ABCA13: variants seen among roughly 807,000 people sequenced by gnomAD.
ABCA13 encodes the protein ATP binding cassette subfamily A member 13, also known as ATP-binding cassette sub-family A member 13.
A neutral mutation model predicts 478.7 loss-of-function variants in ABCA13; 476 were observed. The ratio of observed to expected loss-of-function variants is 0.99; its 90% confidence interval spans 0.92 to 1.07. ABCA13 has a LOEUF of 1.07. ABCA13 is among the 50% of genes least tolerant of loss of function. ABCA13 has a pLI of 0.00. For missense variants in ABCA13, 6,060 were observed against 5,910.6 expected (o/e 1.03, Z -0.83); for synonymous variants, 2,252 against 2,158.9 (o/e 1.04, Z -1.20).
chr7:48,340,088 T>C (rs1190661576), intron 29 of ABCA13, among the ~76,000 whole-genome samples: 1 of 152,190 alleles, frequency 6.6e-6, no homozygotes, highest in African/African-American at 2.4e-5. Flanking sequence ...TCATTTTTAT[T>C]CATTATATAA....
chr7:48,380,717 T>G (rs2129042598), intron 35 of ABCA13, among the ~76,000 whole-genome samples: 1 of 152,308 alleles, frequency 6.6e-6, no homozygotes, highest in South Asian at 2.1e-4. Context: ...ATTTTCTGTA[T>G]TTTTGAGGCT....
At chr7:48,260,585 G>C (rs1326197601) in intron 15 of ABCA13, among the ~76,000 whole-genome samples, 2 of 151,972 alleles carry the variant, frequency 1.3e-5, no homozygotes, top group East Asian at 3.9e-4. Context: ...TATTTTTCTT[G>C]AGTTAATAAT....
chr7:48,453,681 C>T (rs1438330118), intron 42 of ABCA13, among the ~76,000 whole-genome samples: 1 of 152,204 alleles, frequency 6.6e-6, no homozygotes, highest in Non-Finnish European at 1.5e-5. Context: ...CTCAAGGATT[C>T]TACCTGAACG....
chr7:48,279,315 T>A lies in ABCA13; in HGVS notation c.8121T>A (p.Asp2707Glu), dbSNP rs773668594. 2 of 1,587,182 alleles carry A rather than the reference T, an allele frequency of 1.3e-6. No individual in the cohort carries two copies. Among genetic ancestry groups the A allele is most frequent in the Non-Finnish European group, 1.7e-6 (2 of 1,164,666 alleles). ...TTTCCACTCATAGTGGCCCTCAAGA[T>A]ATAAAATGGGAAATAATTCATGAAG... ...NPISTHSGPQ[D>E]IKWEIIHEVI... Residue 2707 changes from aspartate to glutamate, a missense_variant, in exon 18 of 62, where the codon GAT becomes GAA. Transcript: ENST00000435803.
chr7:48,200,590 C>T (rs557228292), intron 3 of ABCA13, among the ~76,000 whole-genome samples: 1 of 152,234 alleles, frequency 6.6e-6, no homozygotes, highest in African/African-American at 2.4e-5. Context: ...TGAAATTCCT[C>T]ACTTTGTCTG....
intron 55 of ABCA13, among the ~76,000 whole-genome samples, chr7:48,574,554 A>C (rs572297814): frequency 6.6e-6 from 1 of 152,280 alleles, no homozygotes; most frequent in South Asian, 2.1e-4. Context: ...GAACATCTCA[A>C]GCATGAGACA....
intron 2 of ABCA13, among the ~76,000 whole-genome samples, chr7:48,196,411 G>T (rs1360936601): frequency 6.6e-6 from 1 of 152,114 alleles, no homozygotes; most frequent in African/African-American, 2.4e-5. Flanking sequence ...AGGACTGCAC[G>T]TTGAAGCTCC....
At chr7:48,331,141 A>G (rs989581297) in intron 27 of ABCA13, among the ~76,000 whole-genome samples, 22 of 152,350 alleles carry the variant, frequency 1.4e-4, no homozygotes, top group East Asian at 7.7e-4. Flanking sequence ...CAGAGCTAAT[A>G]TCTTGTGCTA....
intron 29 of ABCA13, 105 bp from the exon 30 acceptor site, chr7:48,350,538 A>C: frequency 9.6e-6 from 12 of 1,245,150 alleles, no homozygotes; most frequent in Non-Finnish European, 1.3e-5. Flanking sequence ...TAGTGGAAGA[A>C]TTCATATTCA....
At chr7:48,304,060 C>T (rs1327365056) in intron 23 of ABCA13, among the ~76,000 whole-genome samples, 1 of 152,108 alleles carries the variant, frequency 6.6e-6, no homozygotes, top group African/African-American at 2.4e-5. Context: ...TGGTTTCCAG[C>T]AATTTTCTTT....
At chr7:48,252,141 T>C (rs940027548) in intron 15 of ABCA13, among the ~76,000 whole-genome samples, 1 of 152,172 alleles carries the variant, frequency 6.6e-6, no homozygotes, top group Non-Finnish European at 1.5e-5. Context: ...TCTCGTCTTC[T>C]GCATGTGTAC....
rs755976001 is a variant in ABCA13, at chr7:48,229,929, T to G, written c.737T>G (p.Leu246Arg). The G allele has an allele frequency of 1.2e-6, 2 of 1,614,028 alleles. No individual in the cohort carries two copies. Among genetic ancestry groups the G allele is most frequent in the East Asian group, 4.5e-5 (2 of 44,888 alleles). ...GTGACCATTTCGACACTGACATTTC[T>G]GCAGCAACATGGAGTAGCAGTCACC... ...LNVTISTLTF[L>R]QQHGVAVTEP... Residue 246 changes from leucine (L) to arginine (R), a missense_variant, in exon 7 of 62, where the codon CTG becomes CGG. Transcript: ENST00000435803.
rs1306639519 is a variant in ABCA13 at position 48,483,064 on chromosome 7, CA to C, written c.13095-11del. ...GTGGTTGAAGCACTAACACAATGTT[CA>C]TTGTTAACAGGCTTGGAGGTTGGTC... is the stretch of plus-strand genomic sequence containing the variant. On this transcript the variant is annotated splice_polypyrimidine_tract_variant and intron_variant, in intron 46 of 61. Coordinates refer to ENST00000435803, the MANE Select transcript of ABCA13 (RefSeq NM_152701.5). 2.5e-6 allele frequency: 4 copies of C among 1,604,686 alleles called. No homozygotes were observed. The highest frequency in any genetic ancestry group is 3.4e-6 in the Non-Finnish European group (4 of 1,175,690).
At chr7:48,246,441 C>T (rs1791691478) in intron 13 of ABCA13, among the ~76,000 whole-genome samples, 1 of 152,176 alleles carries the variant, frequency 6.6e-6, no homozygotes, top group Admixed American at 6.5e-5. Context: ...CTGCCCAGGA[C>T]AATGGGCTAC....
At chr7:48,414,655 T>C (rs1363547515) in intron 41 of ABCA13, among the ~76,000 whole-genome samples, 1 of 151,470 alleles carries the variant, frequency 6.6e-6, no homozygotes, top group African/African-American at 2.4e-5. Flanking sequence ...ATATATATGT[T>C]CAGGGTTTCG....
rs760368793 is a variant in ABCA13 at position 48,507,912 on chromosome 7, G to C, written c.13387G>C (p.Val4463Leu). The C allele has an allele frequency of 6.2e-7, 1 of 1,612,772 alleles. No individual in the cohort carries two copies. The change falls in exon 50 of 62, where the codon GTG becomes CTG. Residue 4463 changes from valine to leucine, a missense_variant. Physicochemically the swap from Val to Leu is conservative, Grantham distance 32 (BLOSUM62 1). This residue lies in a region of ABCA13 where 1,627 missense variants were observed against 1,571.0 expected (regional missense o/e 1.04). Coordinates refer to ENST00000435803, the MANE Select transcript of ABCA13 (RefSeq NM_152701.5). ...TCAGTGTGGAGTGGCCCTCTGCATCGTGCTGGGATTCTCCATCCTGTCTGC... is the reference window on the plus strand; with the variant it reads ...TCAGTGTGGAGTGGCCCTCTGCATCCTGCTGGGATTCTCCATCCTGTCTGC... ...IRQCGVALCI[V>L]LGFSILSASI...
intron 48 of ABCA13, among the ~76,000 whole-genome samples, chr7:48,496,497 A>G (rs1274455616): frequency 6.6e-6 from 1 of 152,114 alleles, no homozygotes; most frequent in African/African-American, 2.4e-5. Context: ...ACAATAGTCT[A>G]TTATATTTAC....
At chr7:48,615,836 G>T (rs1296982488) in intron 59 of ABCA13, among the ~76,000 whole-genome samples, 2 of 152,162 alleles carry the variant, frequency 1.3e-5, no homozygotes, top group Non-Finnish European at 2.9e-5. Context: ...GTAGGAGAGG[G>T]TTGTTATGGT....
chr7:48,234,620 A>G (rs1294817554), intron 8 of ABCA13, among the ~76,000 whole-genome samples: 2 of 152,192 alleles, frequency 1.3e-5, no homozygotes. Context: ...CCTCTTCCCT[A>G]ACTAGGTGAA....
Sources: allele counts gnomAD v4.1 joint callset (sites outside exome capture counted in the v4.1 genomes callset), GRCh38; gene constraint gnomAD v4.1.1; regional missense constraint gnomAD v4.1.1; transcripts MANE v1.5; gene names NCBI Gene and HGNC (gene_info 2026-07-23, HGNC 2026-07-21).